Variants in CFAP97D2 observed in about 807,000 individuals in gnomAD.
The protein encoded by CFAP97D2 is uncharacterized protein CFAP97D2.
At chr13:114,215,662 A>G (rs1264506021) in intron 4 of CFAP97D2, 1 of 152,228 alleles carries the variant, frequency 6.6e-6, no homozygotes, top group African/African-American at 2.4e-5. Context: ...TTACAATGTC[A>G]AAAACTCTAT....
At chr13:114,191,465 T>A (rs2138756576) in intron 1 of CFAP97D2, among the ~76,000 whole-genome samples, 1 of 152,324 alleles carries the variant, frequency 6.6e-6, no homozygotes, top group Middle Eastern at 3.4e-3. Context: ...GCCAAAGACC[T>A]TAGCAGACAC....
chr13:114,208,740 T>C (rs1267368843), intron 3 of CFAP97D2, among the ~76,000 whole-genome samples: 1 of 152,238 alleles, frequency 6.6e-6, no homozygotes, highest in South Asian at 2.1e-4. Context: ...ATTCTATCCA[T>C]GGTTTTCTGG....
rs1051445915 is a variant in CFAP97D2, at chr13:114,222,333, G to T, written c.481-165G>T. ...ACACACTAAAATATACACTATAAAG[G>T]GGTATAGAATTGTATCTAAATAAAG... On this transcript the variant is annotated intron_variant, in intron 4 of 4. Transcript: ENST00000646158. This position sits in a 1 kb window ranked among gnomAD's most constrained non-coding sequence, Gnocchi z 4.4. Among the ~76,000 whole-genome samples the T allele has an allele frequency of 7.2e-5, 11 of 152,032 alleles. No homozygotes were observed. The highest frequency in any genetic ancestry group is 5.8e-4 in the East Asian group (3 of 5,196).
intron 3 of CFAP97D2, among the ~76,000 whole-genome samples, chr13:114,210,614 C>T (rs1247693684): frequency 2.6e-5 from 4 of 152,094 alleles, no homozygotes; most frequent in African/African-American, 9.7e-5. Flanking sequence ...CCTGTCTGTC[C>T]TCCATGGGCA....
chr13:114,204,896 A>G (rs747123907), intron 3 of CFAP97D2, among the ~76,000 whole-genome samples: 1 of 152,256 alleles, frequency 6.6e-6, no homozygotes, highest in Non-Finnish European at 1.5e-5. Context: ...AAAAACCCAC[A>G]GAATGGGAGA....
At position 114,182,298 on chromosome 13, in the gene CFAP97D2, C is replaced by T. The variant is rs149175508; in HGVS notation, c.90+2878C>T. On this transcript the variant is annotated intron_variant, in intron 1 of 4. Coordinates refer to ENST00000646158, the Ensembl canonical transcript of CFAP97D2. ...AGTGGAGTAAAGAATAACAAGGCAGCATTACTGCAAACATGTCTCGCCTCC... is the reference window on the plus strand; with the variant it reads ...AGTGGAGTAAAGAATAACAAGGCAGTATTACTGCAAACATGTCTCGCCTCC... Among the ~76,000 whole-genome samples the T allele has an allele frequency of 1.9e-3, 292 of 151,790 alleles. 2 individuals carry two copies. The highest frequency in any genetic ancestry group is 0.018 in the East Asian group (95 of 5,172).
At chr13:114,196,234 G>A (rs941253022) in intron 1 of CFAP97D2, among the ~76,000 whole-genome samples, 162 bp from the exon 2 acceptor site, 1 of 152,098 alleles carries the variant, frequency 6.6e-6, no homozygotes, top group African/African-American at 2.4e-5. Flanking sequence ...CTTCCTCCAG[G>A]GGATACTCGG....
chr13:114,180,620 A>G (rs2080828710), intron 1 of CFAP97D2, among the ~76,000 whole-genome samples: 1 of 152,194 alleles, frequency 6.6e-6, no homozygotes, highest in Non-Finnish European at 1.5e-5. Context: ...AGTGCTGACC[A>G]CGTCCTGCCC....
intron 1 of CFAP97D2, among the ~76,000 whole-genome samples, chr13:114,182,581 C>A (rs191394297): frequency 1.9e-4 from 29 of 151,330 alleles, no homozygotes; most frequent in South Asian, 6.3e-4. Context: ...GACAATACCC[C>A]GCTTTCAAGG....
chr13:114,206,452 C>A, intron 3 of CFAP97D2, among the ~76,000 whole-genome samples: 1 of 152,170 alleles, frequency 6.6e-6, no homozygotes, highest in South Asian at 2.1e-4. Context: ...ACAGCGGAGA[C>A]TTTGAACCCT....
At chr13:114,181,990 C>G (rs1050886212) in intron 1 of CFAP97D2, among the ~76,000 whole-genome samples, 1 of 152,142 alleles carries the variant, frequency 6.6e-6, no homozygotes, top group Admixed American at 6.5e-5. Context: ...AAATAAGACA[C>G]AGAGACAAAG....
Position 114,183,260 on chromosome 13 carries a change from G to A in CFAP97D2, c.90+3840G>A, listed in dbSNP as rs887395723. 2.9e-4 allele frequency among the ~76,000 whole-genome samples: 44 copies of A among 152,036 alleles called. 1 individual carries two copies. Among genetic ancestry groups the A allele is most frequent in the Admixed American group, 2.1e-3 (32 of 15,254 alleles). Reference sequence around the variant, plus strand: ...TGGCTCACTGCAACCTCTGCCTCCCGGGTTCCAGCGATTCTCCTGCCTCAG... The same window carrying A: ...TGGCTCACTGCAACCTCTGCCTCCCAGGTTCCAGCGATTCTCCTGCCTCAG... On this transcript the variant is annotated intron_variant, in intron 1 of 4. Coordinates refer to ENST00000646158, the Ensembl canonical transcript of CFAP97D2.
intron 3 of CFAP97D2, among the ~76,000 whole-genome samples, chr13:114,208,598 C>G (rs950950188): frequency 1.3e-5 from 2 of 152,192 alleles, no homozygotes; most frequent in African/African-American, 4.8e-5. Flanking sequence ...TCTGAAGTTT[C>G]TCTTGGTGAT....
chr13:114,182,420 G>A (rs370570225), intron 1 of CFAP97D2, among the ~76,000 whole-genome samples: 13 of 152,042 alleles, frequency 8.6e-5, no homozygotes, highest in Non-Finnish European at 1.3e-4. Flanking sequence ...GCAGGAGACA[G>A]TGGCCTTCCT....
chr13:114,193,219 T>C (rs201848094), intron 1 of CFAP97D2, among the ~76,000 whole-genome samples: 48 of 151,998 alleles, frequency 3.2e-4, no homozygotes, highest in East Asian at 1.2e-3. Context: ...AAACAATCAA[T>C]GGAAAAACTA....
intron 1 of CFAP97D2, among the ~76,000 whole-genome samples, chr13:114,180,463 A>C (rs538453387): frequency 3.6e-4 from 54 of 152,072 alleles, no homozygotes; most frequent in Admixed American, 7.2e-4. Flanking sequence ...TCCCCAGCTC[A>C]ACCTCACTTC....
At chr13:114,198,508 G>A (rs1362207914) in intron 2 of CFAP97D2, among the ~76,000 whole-genome samples, 1 of 152,164 alleles carries the variant, frequency 6.6e-6, no homozygotes, top group Non-Finnish European at 1.5e-5. Context: ...TAGCACCACC[G>A]CCACATGTTA....
chr13:114,179,919 G>C lies in CFAP97D2; in HGVS notation c.90+499G>C, dbSNP rs1237490746. 6.6e-6 allele frequency among the ~76,000 whole-genome samples: 1 copy of C among 152,146 alleles called. No individual in the cohort carries two copies. The highest frequency in any genetic ancestry group is 2.4e-5 in the African/African-American group (1 of 41,418). ...ACCTGCCTCAGCCTCCCAAAGTGCT[G>C]GGATTACAGGCATGAGCCACCGTGC... On this transcript the variant is annotated intron_variant, in intron 1 of 4. Coordinates refer to ENST00000646158, the Ensembl canonical transcript of CFAP97D2. The surrounding 1 kb of genome is among the most constrained non-coding windows in gnomAD (Gnocchi z 4.8).
Position 114,186,740 on chromosome 13 carries a change from A to G in CFAP97D2, c.90+7320A>G, listed in dbSNP as rs141171745. ...CTGGTCCAGGCACAGCCTCGCAGTG[A>G]GCCAGCACCCATGCTGGCACCTGGA... On this transcript the variant is annotated intron_variant, in intron 1 of 4. Coordinates refer to ENST00000646158, the Ensembl canonical transcript of CFAP97D2. This position sits in a 1 kb window ranked among gnomAD's most constrained non-coding sequence, Gnocchi z 4.3. Among the ~76,000 whole-genome samples, 1,264 of 152,346 alleles carry G rather than the reference A, an allele frequency of 8.3e-3. 13 individuals are homozygous for G. The highest frequency in any genetic ancestry group is 0.028 in the African/African-American group (1,180 of 41,584).
Sources: gnomAD v4.1 joint callset for allele counts (sites outside exome capture counted in the v4.1 genomes callset) on GRCh38, gnomAD v4.1.1 for gene constraint, Gnocchi (gnomAD v3.1) non-coding constraint, MANE v1.5 for transcripts, NCBI Gene and HGNC (gene_info 2026-07-23, HGNC 2026-07-21) for gene names.